Variants in DBF4B observed in about 807,000 individuals in gnomAD.
The protein encoded by DBF4B is DBF4B-CDC7 kinase regulatory subunit, also known as protein DBF4 homolog B.
A neutral mutation model predicts 53.4 loss-of-function variants in DBF4B; 49 were observed. The observed-to-expected ratio is 0.92, with a 90% CI of 0.73 to 1.16. DBF4B has a LOEUF of 1.16. DBF4B is among the 50% of genes most tolerant of loss of function. The probability of loss-of-function intolerance (pLI) is 0.00; values close to 1 mark genes in which losing one functional copy is unlikely to be tolerated. For synonymous variants in DBF4B, 257 were observed against 288.7 expected (o/e 0.89, Z 1.11); for missense variants, 692 against 775.0 (o/e 0.89, Z 1.27).
intron 13 of DBF4B, chr17:44,748,901 G>A (rs1242748539): frequency 2.3e-6 from 3 of 1,290,122 alleles, no homozygotes; most frequent in East Asian, 5.5e-5. Flanking sequence ...TCACAGACCT[G>A]CCTCTCTCTC....
intron 6 of DBF4B, 72 bp from the exon 7 acceptor site, chr17:44,734,018 G>A: frequency 7.4e-7 from 1 of 1,342,910 alleles, no homozygotes; most frequent in South Asian, 1.2e-5. Flanking sequence ...TAGTCCTGCA[G>A]CCCAGGAAGG....
chr17:44,741,517 C>T, intron 10 of DBF4B, 65 bp downstream of exon 10: 7 of 1,137,882 alleles, frequency 6.2e-6, no homozygotes, highest in Non-Finnish European at 8.8e-6. Context: ...CCATCGGGGG[C>T]CTGCTGGTCA....
At position 44,729,213 on chromosome 17, in the gene DBF4B, C is replaced by CT. The variant is rs35707448; in HGVS notation, c.226-682dup. On this transcript the variant is annotated intron_variant, in intron 3 of 13. Coordinates refer to ENST00000315005, the MANE Select transcript of DBF4B (RefSeq NM_145663.3). ...ATAAGCCATTTTAGCCTTTTTTTTT[C>CT]TTTTTTTTTTAGAGACAGGATTTCA... Among the ~76,000 whole-genome samples, 1,205 of 140,914 alleles carry CT rather than the reference C, an allele frequency of 8.6e-3. 15 individuals carry two copies. The highest frequency in any genetic ancestry group is 0.029 in the African/African-American group (1,120 of 38,480). 92.4% of individuals were successfully genotyped at this position (140,914 alleles called of 152,430 possible).
intron 3 of DBF4B, among the ~76,000 whole-genome samples, chr17:44,728,172 T>C (rs1372919481): frequency 2.6e-5 from 4 of 152,124 alleles, no homozygotes; most frequent in African/African-American, 7.2e-5. Flanking sequence ...TGGCACTCTG[T>C]GTCAGTTATC....
chr17:44,715,796 ATTTC>A (rs1555673297), intron 2 of DBF4B, among the ~76,000 whole-genome samples: 41 of 90,342 alleles, frequency 4.5e-4, no homozygotes, highest in African/African-American at 1.4e-3. Flanking sequence ...TGTTAGCCTA[ATTTC>A]TTTCTTTCTT....
intron 2 of DBF4B, among the ~76,000 whole-genome samples, chr17:44,713,517 G>T (rs976089964): frequency 6.6e-6 from 1 of 151,860 alleles, no homozygotes. Context: ...GTAGGATGTC[G>T]TGCACGCTTG....
intron 2 of DBF4B, 64 bp downstream of exon 2, chr17:44,709,430 C>G: frequency 6.5e-7 from 1 of 1,549,920 alleles, no homozygotes; most frequent in Non-Finnish European, 8.9e-7. Flanking sequence ...TTGGAGAAGA[C>G]CGAAAAATGT....
At chr17:44,741,487 G>T (rs778839951) in intron 10 of DBF4B, 35 bp downstream of exon 10, 25 of 1,444,864 alleles carry the variant, frequency 1.7e-5, no homozygotes, top group Non-Finnish European at 2.2e-5. Flanking sequence ...CCAAGGGCTG[G>T]TTACAGGCCA....
At chr17:44,727,206 C>T (rs1457575764) in intron 3 of DBF4B, among the ~76,000 whole-genome samples, 1 of 150,288 alleles carries the variant, frequency 6.7e-6, no homozygotes, top group Admixed American at 6.7e-5. Flanking sequence ...CACCTGAGGT[C>T]AGGAGTTCTA....
Position 44,708,809 on chromosome 17 carries a change from A to C in DBF4B, c.-12A>C. 3.9e-6 allele frequency: 6 copies of C among 1,551,406 alleles called. No individual in the cohort carries two copies. The highest frequency in any genetic ancestry group is 5.2e-6 in the Non-Finnish European group (6 of 1,146,930). ...GGAAGGAGTACGGAGGCCGAGAAGG[A>C]GCCGGCATTTGATGAGCGAACCGGG... On this transcript the variant is annotated 5_prime_UTR_variant, in exon 1 of 14. Transcript: ENST00000315005.
chr17:44,751,564 C>G lies in DBF4B; in HGVS notation c.*311C>G. The G allele has an allele frequency of 7.5e-7, 1 of 1,339,264 alleles. No individual in the cohort carries two copies. Among genetic ancestry groups the G allele is most frequent in the South Asian group, 1.9e-5 (1 of 52,468 alleles). The allele number at this position is 1,339,264 out of a possible 1,614,324, so 83.0% of individuals were successfully genotyped here. A position where few individuals can be genotyped will look rare whatever the true frequency, so the allele number is the denominator to read the frequency against. On this transcript the variant is annotated 3_prime_UTR_variant, in exon 14 of 14. Coordinates refer to ENST00000315005, the MANE Select transcript of DBF4B (RefSeq NM_145663.3). ...TTGTTGGTTTCCTTCTCAGACTTGCCACCTTTCCCCTCTGCCCCAAAATGC... is the reference window on the plus strand; with the variant it reads ...TTGTTGGTTTCCTTCTCAGACTTGCGACCTTTCCCCTCTGCCCCAAAATGC...
intron 3 of DBF4B, among the ~76,000 whole-genome samples, chr17:44,725,986 C>T (rs907706214): frequency 2.6e-5 from 4 of 151,324 alleles, no homozygotes; most frequent in Non-Finnish European, 4.4e-5. Flanking sequence ...CTGCTACTGG[C>T]CCTTTTTCTT....
chr17:44,708,814 G>C lies in DBF4B; in HGVS notation c.-7G>C. ...GAGTACGGAGGCCGAGAAGGAGCCG[G>C]CATTTGATGAGCGAACCGGGAAAGG... On this transcript the variant is annotated 5_prime_UTR_variant, in exon 1 of 14. Transcript: ENST00000315005. 6.4e-7 allele frequency: 1 copy of C among 1,551,438 alleles called. No homozygotes were observed. The highest frequency in any genetic ancestry group is 1.4e-5 in the African/African-American group (1 of 73,142).
chr17:44,717,116 T>A (rs908210142), intron 2 of DBF4B, among the ~76,000 whole-genome samples: 2 of 152,134 alleles, frequency 1.3e-5, no homozygotes, highest in African/African-American at 4.8e-5. Flanking sequence ...TCTCCATTGT[T>A]TTTCCCCCTT....
chr17:44,720,396 G>C (rs1177985815), intron 2 of DBF4B: 1 of 219,538 alleles, frequency 4.6e-6, no homozygotes, highest in Non-Finnish European at 9.3e-6. Flanking sequence ...CTTCCTGGAC[G>C]TGGTCTTTCT....
intron 2 of DBF4B, among the ~76,000 whole-genome samples, chr17:44,721,633 T>C (rs1055825298): frequency 6.6e-6 from 1 of 152,142 alleles, no homozygotes; most frequent in African/African-American, 2.4e-5. Flanking sequence ...TGGTTCATTA[T>C]TATGACAGAT....
chr17:44,732,906 T>G (rs934245785), intron 6 of DBF4B: 1 of 137,740 alleles, frequency 7.3e-6, no homozygotes, highest in Non-Finnish European at 1.6e-5. Flanking sequence ...TGGCTCACGC[T>G]TGTAATCCCA....
intron 2 of DBF4B, among the ~76,000 whole-genome samples, chr17:44,719,484 T>G (rs1427380355): frequency 6.6e-6 from 1 of 152,210 alleles, no homozygotes; most frequent in East Asian, 1.9e-4. Context: ...GCTAATGTAC[T>G]TTCTGTTTCT....
intron 3 of DBF4B, among the ~76,000 whole-genome samples, chr17:44,725,642 A>G (rs1177555359): frequency 7.2e-6 from 1 of 138,570 alleles, no homozygotes; most frequent in African/African-American, 2.7e-5. Context: ...GGTAATGCCC[A>G]TCTACCTTCT....
Sources: allele counts gnomAD v4.1 joint callset (sites outside exome capture counted in the v4.1 genomes callset), GRCh38; gene constraint gnomAD v4.1.1; transcripts MANE v1.5; gene names NCBI Gene and HGNC (gene_info 2026-07-23, HGNC 2026-07-21).